The following NBAS variants were observed in gnomAD, a reference collection of about 807,000 sequenced individuals.
The protein encoded by NBAS is NBAS subunit of NRZ tethering complex.
Under a neutral mutation model 302.5 loss-of-function variants are expected in NBAS, and 219 were observed. The observed-to-expected ratio is 0.72, with a 90% confidence interval of 0.65 to 0.81. The LOEUF is 0.81. Among genes scored for constraint, NBAS ranks in the 30% least tolerant of loss-of-function variants. The probability of loss-of-function intolerance (pLI) is 0.00; values close to 1 mark genes in which losing one functional copy is unlikely to be tolerated. For missense variants in NBAS, 2,932 were observed against 2,841.6 expected, an observed-to-expected ratio of 1.03 and a Z score of -0.72; for synonymous variants, 1,118 against 1,021.6, an observed-to-expected ratio of 1.09 and a Z score of -1.80.
chr2:15,027,356 T>C, the NBAS span, among the ~76,000 whole-genome samples: 117,017 of 151,862 alleles, frequency 0.77, 45,363 homozygotes, highest in East Asian at 1. Context: ...CTCTTAAGTA[T>C]TTTATATTTT....
intron 23 of NBAS, 44 bp downstream of exon 23, chr2:15,424,271 A>G (rs192869178): frequency 6.2e-7 from 1 of 1,609,954 alleles, no homozygotes; most frequent in Non-Finnish European, 8.5e-7. Flanking sequence ...GATCCAAGGC[A>G]GTTCCACTAA....
chr2:14,799,235 T>TA, the NBAS span, among the ~76,000 whole-genome samples: 7 of 152,188 alleles, frequency 4.6e-5, no homozygotes, highest in South Asian at 2.1e-4. Flanking sequence ...CTTTGATCGG[T>TA]ATCAATCACA....
At chr2:15,417,015 T>C (rs941755512) in intron 24 of NBAS, among the ~76,000 whole-genome samples, 2 of 152,130 alleles carry the variant, frequency 1.3e-5, no homozygotes, top group Non-Finnish European at 2.9e-5. Context: ...ACCATCCTTC[T>C]TGCCTGTTGA....
chr2:14,782,774 C>A, the NBAS span, among the ~76,000 whole-genome samples: 2 of 152,076 alleles, frequency 1.3e-5, no homozygotes, highest in Non-Finnish European at 2.9e-5. Context: ...TACTACACAG[C>A]CATAAAAAAG....
At chr2:15,145,128 G>A in the NBAS span, among the ~76,000 whole-genome samples, 2 of 152,174 alleles carry the variant, frequency 1.3e-5, no homozygotes, top group East Asian at 1.9e-4. Flanking sequence ...AAAAGAGGAC[G>A]TACACATCCC....
At chr2:15,257,719 G>A (rs774848960) in intron 44 of NBAS, among the ~76,000 whole-genome samples, 84 of 152,226 alleles carry the variant, frequency 5.5e-4, no homozygotes, top group Non-Finnish European at 8.8e-4. Context: ...TAAATGAGGC[G>A]TCTGCTGATA....
At chr2:15,299,471 G>T (rs865856404) in intron 40 of NBAS, among the ~76,000 whole-genome samples, 1 of 152,094 alleles carries the variant, frequency 6.6e-6, no homozygotes, top group Non-Finnish European at 1.5e-5. Flanking sequence ...ATATTATTTC[G>T]AAAGTTTTAA....
chr2:15,549,421 A>C (rs571026582), intron 6 of NBAS, among the ~76,000 whole-genome samples: 11 of 152,336 alleles, frequency 7.2e-5, no homozygotes, highest in Admixed American at 7.2e-4. Context: ...GAAGTACACA[A>C]GTGGAATAAA....
chr2:14,871,921 CACA>C, the NBAS span, among the ~76,000 whole-genome samples: 3 of 152,032 alleles, frequency 2.0e-5, no homozygotes, highest in Admixed American at 6.6e-5. Flanking sequence ...ATTATCTAAA[CACA>C]ACAATTTGTA....
At chr2:15,528,885 A>ATATATATATGTGTG (rs377463380) in intron 9 of NBAS, among the ~76,000 whole-genome samples, 55,694 of 121,558 alleles carry the variant, frequency 0.46, 14,346 homozygotes, top group Non-Finnish European at 0.58. Context: ...AAAAATATAT[A>ATATATATATGTGTG]TATATATATA....
At chr2:15,274,855 C>T (rs1669495176) in intron 44 of NBAS, among the ~76,000 whole-genome samples, 1 of 152,138 alleles carries the variant, frequency 6.6e-6, no homozygotes, top group South Asian at 2.1e-4. Flanking sequence ...ACCTCCGTTT[C>T]GTAGGTTCAA....
At chr2:14,873,687 C>CAA in the NBAS span, among the ~76,000 whole-genome samples, 1,222 of 114,836 alleles carry the variant, frequency 0.011, 24 homozygotes, top group African/African-American at 0.033. Flanking sequence ...TGATGTTTTC[C>CAA]AAAAAAAAAA....
At chr2:15,329,429 C>A (rs1021763358) in intron 36 of NBAS, among the ~76,000 whole-genome samples, 2 of 152,194 alleles carry the variant, frequency 1.3e-5, no homozygotes, top group African/African-American at 2.4e-5. Flanking sequence ...GTTCAAACTA[C>A]CCACTTCTCT....
the NBAS span, among the ~76,000 whole-genome samples, chr2:14,788,644 A>G: frequency 6.6e-6 from 1 of 152,170 alleles, no homozygotes; most frequent in Non-Finnish European, 1.5e-5. Flanking sequence ...GCAGAATTTC[A>G]TGAACCACAA....
chr2:15,440,950 T>C (rs1347128763), intron 21 of NBAS, among the ~76,000 whole-genome samples: 1 of 151,802 alleles, frequency 6.6e-6, no homozygotes, highest in Non-Finnish European at 1.5e-5. Context: ...AAGGGAAGTT[T>C]AGAGAAAAAA....
the NBAS span, among the ~76,000 whole-genome samples, chr2:14,992,331 T>C: frequency 1.3e-5 from 2 of 152,080 alleles, no homozygotes; most frequent in African/African-American, 4.8e-5. Flanking sequence ...TCCTTGCAAA[T>C]GATGAAAATA....
intron 40 of NBAS, among the ~76,000 whole-genome samples, chr2:15,306,629 G>A (rs1465673055): frequency 6.6e-6 from 1 of 152,126 alleles, no homozygotes; most frequent in African/African-American, 2.4e-5. Flanking sequence ...ATAAGACCTG[G>A]AAATAAAATA....
the NBAS span, among the ~76,000 whole-genome samples, chr2:15,006,876 C>T: frequency 3.9e-5 from 6 of 152,280 alleles, no homozygotes; most frequent in Admixed American, 2.0e-4. Context: ...TATTAATCCT[C>T]ACTGCTGCAG....
intron 26 of NBAS, among the ~76,000 whole-genome samples, chr2:15,401,847 A>G (rs1424957302): frequency 1.3e-5 from 2 of 152,316 alleles, no homozygotes; most frequent in Non-Finnish European, 1.5e-5. Context: ...TAAAAACACA[A>G]TTACTACCTA....
Sources: gnomAD v4.1 joint callset for allele counts (sites outside exome capture counted in the v4.1 genomes callset) on GRCh38, gnomAD v4.1.1 for gene constraint, MANE v1.5 for transcripts, NCBI Gene and HGNC (gene_info 2026-07-23, HGNC 2026-07-21) for gene names.